Variants in USH2A observed in about 807,000 individuals in gnomAD.
USH2A encodes the protein usherin.
USH2A carries 443 observed loss-of-function variants against 538.9 expected under a neutral mutation model. That is an observed-to-expected ratio of 0.82 (90% confidence interval 0.76 to 0.89). The LOEUF is 0.89. USH2A is among the 40% of genes least tolerant of loss of function. USH2A has a pLI of 0.00. For missense variants in USH2A, 6,633 were observed against 6,324.8 expected, an observed-to-expected ratio of 1.05 and a Z score of -1.65; for synonymous variants, 2,413 against 2,273.5, an observed-to-expected ratio of 1.06 and a Z score of -1.75.
intron 9 of USH2A, among the ~76,000 whole-genome samples, chr1:216,299,406 T>C (rs1184515870): frequency 1.3e-5 from 2 of 152,132 alleles, no homozygotes; most frequent in Non-Finnish European, 2.9e-5. Flanking sequence ...TATCTATAGA[T>C]ATAAATATGC....
chr1:216,322,524 T>C (rs930487826), intron 8 of USH2A, among the ~76,000 whole-genome samples: 11 of 150,878 alleles, frequency 7.3e-5, no homozygotes, highest in Non-Finnish European at 1.3e-4. Flanking sequence ...AGAGGATCAC[T>C]TGAGGCCCAG....
At chr1:215,679,235 G>A (rs887097137) in intron 62 of USH2A, among the ~76,000 whole-genome samples, 1 of 152,188 alleles carries the variant, frequency 6.6e-6, no homozygotes, top group Non-Finnish European at 1.5e-5. Context: ...CCTCTCTTAG[G>A]GTTTTCAGGG....
intron 21 of USH2A, among the ~76,000 whole-genome samples, chr1:216,124,038 G>A: frequency 6.6e-6 from 1 of 152,086 alleles, no homozygotes; most frequent in Non-Finnish European, 1.5e-5. Context: ...TCCACAGAAA[G>A]GTAAGACATC....
At chr1:215,626,386 ACTC>A (rs1238649615) in intron 71 of USH2A, among the ~76,000 whole-genome samples, 8 of 150,334 alleles carry the variant, frequency 5.3e-5, no homozygotes, top group African/African-American at 1.5e-4. Context: ...CTGGTCTTGA[ACTC>A]CTGACCTCTG....
At chr1:215,706,310 A>G (rs1659183499) in intron 61 of USH2A, among the ~76,000 whole-genome samples, 1 of 152,190 alleles carries the variant, frequency 6.6e-6, no homozygotes, top group Non-Finnish European at 1.5e-5. Flanking sequence ...CTTTCAGGGA[A>G]CTAAGAAAGG....
rs116016960 is a variant in USH2A, at chr1:216,144,662, C to T, written c.4627+30590G>A. ...ATCTAACTGCCTATATTCAGCTTTTCGCCTACCTGACCACTGGGCAACATT... is the reference window on the plus strand; with the variant it reads ...ATCTAACTGCCTATATTCAGCTTTTTGCCTACCTGACCACTGGGCAACATT... On this transcript the variant is annotated intron_variant, in intron 21 of 71. Coordinates refer to ENST00000307340, the MANE Select transcript of USH2A (RefSeq NM_206933.4). Among the ~76,000 whole-genome samples the T allele has an allele frequency of 8.6e-3, 1,314 of 152,248 alleles. 21 individuals carry two copies. The highest frequency in any genetic ancestry group is 0.031 in the African/African-American group (1,281 of 41,542).
intron 32 of USH2A, among the ~76,000 whole-genome samples, chr1:216,010,865 C>T (rs1668545187): frequency 6.6e-6 from 1 of 151,848 alleles, no homozygotes; most frequent in Non-Finnish European, 1.5e-5. Context: ...TTTGCGTCCT[C>T]CTCTTGTATC....
At chr1:216,230,127 T>G (rs1191561813) in intron 14 of USH2A, among the ~76,000 whole-genome samples, 1 of 151,914 alleles carries the variant, frequency 6.6e-6, no homozygotes, top group East Asian at 1.9e-4. Flanking sequence ...AGGAGGACAG[T>G]GGGTTGGGGA....
chr1:215,817,287 TAA>T (rs1662886073), intron 47 of USH2A, 92 bp from the exon 48 acceptor site: 1 of 702,176 alleles, frequency 1.4e-6, no homozygotes, highest in Admixed American at 2.9e-5. Flanking sequence ...CAATAGATAC[TAA>T]TATATATATA....
At chr1:215,991,279 TG>T (rs1246587091) in intron 35 of USH2A, among the ~76,000 whole-genome samples, 21 of 152,304 alleles carry the variant, frequency 1.4e-4, no homozygotes, top group Non-Finnish European at 2.9e-5. Context: ...AGTCACAAGT[TG>T]GTAGTAACCT....
In USH2A at chr1:216,199,742, C is replaced by T; in HGVS notation, c.3696G>A (p.Leu1232=). Residue 1232 remains leucine, a synonymous_variant, in exon 17 of 72, where the codon TTG becomes TTA. Transcript: ENST00000307340. ...CCTGGGCTGTGGTCACTGTAATGGG[C>T]AAGCTGTGTAAACAGCCCCCGCTAG... ...ACTSGGCLHS[L]PITVTTAQAP... is the part of the protein sequence containing the mutation. 1 of 1,614,068 alleles carries T rather than the reference C, an allele frequency of 6.2e-7. No homozygotes were observed. The highest frequency in any genetic ancestry group is 8.5e-7 in the Non-Finnish European group (1 of 1,179,990).
intron 32 of USH2A, among the ~76,000 whole-genome samples, chr1:216,046,199 G>C (rs924466522): frequency 4.0e-5 from 6 of 151,878 alleles, no homozygotes; most frequent in Admixed American, 3.3e-4. Flanking sequence ...ATCATCTCTA[G>C]ATTCCTTAGA....
In USH2A at chr1:215,993,163, C is replaced by T; in HGVS notation, c.6662G>A (p.Cys2221Tyr). The T allele has an allele frequency of 1.2e-6, 2 of 1,613,994 alleles. No individual in the cohort carries two copies. The highest frequency in any genetic ancestry group is 1.7e-5 in the Admixed American group (1 of 60,006). Residue 2221 changes from cysteine (C) to tyrosine (Y), a missense_variant, in exon 35 of 72, where the codon TGC becomes TAC. By Grantham distance (194) the Cys-to-Tyr change is radical (BLOSUM62 -2). Coordinates refer to ENST00000307340, the MANE Select transcript of USH2A (RefSeq NM_206933.4). ...GNKYLIKLGACTGGGCTVSEA... is the reference protein window; with the variant it reads ...GNKYLIKLGAYTGGGCTVSEA... ...ACTCACTGTGCACCCACCACCTGTG[C>T]AAGCCTAAACAGAGATGCAAAAATG...
intron 36 of USH2A, among the ~76,000 whole-genome samples, chr1:215,970,026 A>T (rs997749866): frequency 3.9e-5 from 6 of 152,194 alleles, no homozygotes; most frequent in Non-Finnish European, 1.5e-5. Context: ...AGGAATAGAA[A>T]ACATAATCTT....
chr1:216,015,665 C>G (rs1668691694), intron 32 of USH2A, among the ~76,000 whole-genome samples: 1 of 152,198 alleles, frequency 6.6e-6, no homozygotes, highest in South Asian at 2.1e-4. Flanking sequence ...TTCTCCACAT[C>G]CTCTCCAGCA....
At chr1:216,088,193 G>A (rs1298931180) in intron 23 of USH2A, among the ~76,000 whole-genome samples, 1 of 151,920 alleles carries the variant, frequency 6.6e-6, no homozygotes, top group Admixed American at 6.6e-5. Context: ...TTTCCCCTTT[G>A]TCCCTTTAGG....
At chr1:216,139,958 T>TAC (rs891035410) in intron 21 of USH2A, among the ~76,000 whole-genome samples, 2 of 152,140 alleles carry the variant, frequency 1.3e-5, no homozygotes, top group African/African-American at 2.4e-5. Flanking sequence ...AGGTGAGCAC[T>TAC]ACACACACAC....
chr1:216,089,730 T>C (rs1400757038), intron 22 of USH2A, among the ~76,000 whole-genome samples: 7 of 151,654 alleles, frequency 4.6e-5, no homozygotes, highest in Non-Finnish European at 7.4e-5. Context: ...AAGGTAATCA[T>C]ATAATAGTTA....
At chr1:215,667,777 G>A (rs971160994) in intron 64 of USH2A, among the ~76,000 whole-genome samples, 3 of 152,012 alleles carry the variant, frequency 2.0e-5, no homozygotes, top group African/African-American at 7.2e-5. Context: ...TTATCCATGC[G>A]ATACCCTCTT....
Sources: gnomAD v4.1 joint callset for allele counts (sites outside exome capture counted in the v4.1 genomes callset) on GRCh38, gnomAD v4.1.1 for gene constraint, MANE v1.5 for transcripts, NCBI Gene and HGNC (gene_info 2026-07-23, HGNC 2026-07-21) for gene names.